The following SREBF2 variants were observed in gnomAD, a reference collection of about 807,000 sequenced individuals.
SREBF2 encodes sterol regulatory element binding transcription factor 2.
In SREBF2, 55 loss-of-function variants were observed where a neutral mutation model predicts 113.1. That is an observed-to-expected ratio of 0.49 (90% CI 0.39 to 0.61). The LOEUF is 0.61. SREBF2 is among the 20% of genes least tolerant of loss of function. The pLI, the probability that SREBF2 is intolerant of heterozygous loss-of-function variation, is 0.00. For synonymous variants in SREBF2, 593 were observed against 605.7 expected, an observed-to-expected ratio of 0.98 and a Z score of 0.31; for missense variants, 1,349 against 1,487.4, an observed-to-expected ratio of 0.91 and a Z score of 1.53.
chr22:41,879,804 G>A (rs573603389), intron 9 of SREBF2, among the ~76,000 whole-genome samples: 4 of 152,242 alleles, frequency 2.6e-5, no homozygotes, highest in South Asian at 4.2e-4. Context: ...GAAAGCGAGC[G>A]GTCTCCAGTA....
Position 41,880,873 on chromosome 22 carries a change from A to T in SREBF2, c.1919A>T (p.Lys640Ile). The change falls in exon 10 of 19, where the codon AAA (lysine) becomes ATA (isoleucine). Residue 640 changes from lysine (K) to isoleucine (I), a missense_variant. Coordinates refer to ENST00000361204, the MANE Select transcript of SREBF2 (RefSeq NM_004599.4). ...KLRLVRWLLK[K>I]VFQCRRATPA... ...CGCCTGGTGCGCTGGCTGCTCAAGA[A>T]AGTCTTCCAGTGCCGGCGGGCCACG... 1 of 1,613,862 alleles carries T rather than the reference A, an allele frequency of 6.2e-7. No individual in the cohort carries two copies.
chr22:41,853,072 A>G (rs952794410), intron 1 of SREBF2, among the ~76,000 whole-genome samples: 19 of 152,208 alleles, frequency 1.2e-4, no homozygotes, highest in African/African-American at 4.6e-4. Context: ...TTAGTTCATG[A>G]TATTTTGGAG....
chr22:41,862,403 C>G (rs2077035387), intron 1 of SREBF2, among the ~76,000 whole-genome samples: 1 of 152,210 alleles, frequency 6.6e-6, no homozygotes, highest in Admixed American at 6.5e-5. Flanking sequence ...TACAAAGCAG[C>G]TAAAAACAGG....
rs139986353 is a variant in SREBF2 at position 41,893,295 on chromosome 22, C to A, written c.2377+10C>A. On this transcript the variant is annotated intron_variant, in intron 12 of 18. Coordinates refer to ENST00000361204, the MANE Select transcript of SREBF2 (RefSeq NM_004599.4). ...GCCCAGAGGAACCCAGGTGAGAATA[C>A]CTTGGAGCCATTCAGAATTGGAGAA... is the stretch of plus-strand genomic sequence containing the variant. 2 of 1,613,984 alleles carry A rather than the reference C, an allele frequency of 1.2e-6. No homozygotes were observed. The highest frequency in any genetic ancestry group is 2.2e-5 in the South Asian group (2 of 91,070).
chr22:41,881,645 A>G (rs1395684200), intron 10 of SREBF2, among the ~76,000 whole-genome samples: 6 of 152,226 alleles, frequency 3.9e-5, no homozygotes, highest in East Asian at 1.9e-4. Flanking sequence ...AGAGGGAGCC[A>G]GGGCACAAAG....
chr22:41,902,632 G>A (rs1443668124), intron 16 of SREBF2, among the ~76,000 whole-genome samples: 3 of 152,172 alleles, frequency 2.0e-5, no homozygotes, highest in Admixed American at 6.5e-5. Flanking sequence ...CCCATGGGGT[G>A]GAAGAACCTG....
At chr22:41,868,585 T>A in intron 2 of SREBF2, 26 bp from the exon 3 acceptor site, 1 of 1,613,818 alleles carries the variant, frequency 6.2e-7, no homozygotes, top group Non-Finnish European at 8.5e-7. Context: ...CTCATCTCTG[T>A]GCCTTCTTTC....
intron 7 of SREBF2, among the ~76,000 whole-genome samples, chr22:41,876,874 C>T (rs1388126206): frequency 2.6e-5 from 4 of 152,200 alleles, no homozygotes; most frequent in African/African-American, 9.7e-5. Flanking sequence ...CAGACAATGA[C>T]TGATTCATTG....
chr22:41,863,899 T>G (rs1028555436), intron 1 of SREBF2, among the ~76,000 whole-genome samples: 23 of 152,132 alleles, frequency 1.5e-4, no homozygotes, highest in Non-Finnish European at 2.6e-4. Context: ...ATTTATTTTT[T>G]GGGACGGAGT....
rs1219137462 is a variant in SREBF2, at chr22:41,878,075, G to A, written c.1713G>A (p.Ser571=). 4 of 1,614,108 alleles carry A rather than the reference G, an allele frequency of 2.5e-6. No homozygotes were observed. The highest frequency in any genetic ancestry group is 3.4e-6 in the Non-Finnish European group (4 of 1,180,016). The change falls in exon 9 of 19, where the codon TCG becomes TCA. Residue 571 remains serine (S), a synonymous_variant. Coordinates refer to ENST00000361204, the MANE Select transcript of SREBF2 (RefSeq NM_004599.4). ...EPVIRPHSRS[S]VTFWRHRKQA... is the part of the protein sequence containing the mutation. The stretch of plus-strand genomic sequence containing the variant: ...TGATCCGGCCACACTCGCGCTCCTC[G>A]GTCACCTTCTGGAGGCACCGGAAAC...
intron 11 of SREBF2, 132 bp downstream of exon 11, chr22:41,885,143 A>C (rs561459850): frequency 1.8e-6 from 2 of 1,120,850 alleles, no homozygotes; most frequent in Non-Finnish European, 2.6e-6. Context: ...GCAGGCATTC[A>C]TTCAGTCGCT....
chr22:41,891,979 G>T (rs1164509504), intron 11 of SREBF2, among the ~76,000 whole-genome samples: 1 of 152,220 alleles, frequency 6.6e-6, no homozygotes, highest in African/African-American at 2.4e-5. Flanking sequence ...TGGAGGAGGG[G>T]CCCAGTGACC....
intron 1 of SREBF2, among the ~76,000 whole-genome samples, chr22:41,853,983 TG>T (rs1273298843): frequency 1.4e-5 from 2 of 144,352 alleles, no homozygotes; most frequent in Non-Finnish European, 3.0e-5. Context: ...TGCAGTGAGC[TG>T]AGATCACGCC....
At chr22:41,888,451 C>T (rs966497525) in intron 11 of SREBF2, among the ~76,000 whole-genome samples, 2 of 144,226 alleles carry the variant, frequency 1.4e-5, no homozygotes, top group African/African-American at 5.7e-5. Context: ...ATCCGTGTAC[C>T]GTGGGTCTGC....
intron 1 of SREBF2, among the ~76,000 whole-genome samples, chr22:41,849,611 G>A (rs1462608484): frequency 5.9e-5 from 9 of 152,092 alleles, no homozygotes; most frequent in African/African-American, 2.2e-4. Context: ...GTGTCTTAAG[G>A]GATGTATCTT....
rs764248843 is a variant in SREBF2, at chr22:41,884,842, G to A, written c.2039G>A (p.Gly680Glu). 42 of 1,614,006 alleles carry A rather than the reference G, an allele frequency of 2.6e-5. 1 individual carries two copies. The South Asian group carries it at 4.5e-4, about 17-fold the overall frequency. Reference protein sequence around the residue: ...YHRLHQLHITGKLPAGSACSD... With the variant: ...YHRLHQLHITEKLPAGSACSD... ...TAGTGTCTGTTTCTGCCCACCCTAG[G>A]GAAGCTTCCTGCAGGATCCGCCTGT... The change falls in exon 11 of 19, where the codon GGG becomes GAG. Residue 680 changes from glycine to glutamate, a missense_variant and splice_region_variant. Gly to Glu is a moderately conservative substitution (Grantham distance 98, BLOSUM62 -2). Transcript: ENST00000361204.
rs1043477411 is a variant in SREBF2 at position 41,869,103 on chromosome 22, TTTG to T, written c.720+326_720+328del. Among the ~76,000 whole-genome samples, 49 of 152,280 alleles carry T rather than the reference TTTG, an allele frequency of 3.2e-4. 1 individual carries two copies. Among genetic ancestry groups the T allele is most frequent in the Middle Eastern group, 3.4e-3 (1 of 294 alleles). ...TTTTCATAGTTTTGTGTTGTGTTTT[TTTG>T]TTGTTGTTGTTGTTTTGAGACGGAG... On this transcript the variant is annotated intron_variant, in intron 3 of 18. Transcript: ENST00000361204.
At chr22:41,873,091 G>A (rs1372548768) in intron 4 of SREBF2, among the ~76,000 whole-genome samples, 1 of 152,080 alleles carries the variant, frequency 6.6e-6, no homozygotes, top group South Asian at 2.1e-4. Flanking sequence ...AAGCTACTCG[G>A]GAGGCTGAGG....
chr22:41,898,128 G>T (rs1461814299), intron 14 of SREBF2, among the ~76,000 whole-genome samples: 2 of 150,736 alleles, frequency 1.3e-5, no homozygotes, highest in African/African-American at 2.5e-5. Flanking sequence ...TATTTTTTTT[G>T]AGACGGAGTC....
Sources: allele counts gnomAD v4.1 joint callset (sites outside exome capture counted in the v4.1 genomes callset), GRCh38; gene constraint gnomAD v4.1.1; transcripts MANE v1.5; gene names NCBI Gene and HGNC (gene_info 2026-07-23, HGNC 2026-07-21).